CAMTA1: variants seen among roughly 807,000 people sequenced by gnomAD.
CAMTA1 encodes calmodulin binding transcription activator 1, also known as calmodulin-binding transcription activator 1.
A neutral mutation model predicts 170.9 loss-of-function variants in CAMTA1; 27 were observed. That is an observed-to-expected ratio of 0.16 (90% CI 0.12 to 0.22). The LOEUF is 0.22. CAMTA1 is among the 10% of genes least tolerant of loss of function. CAMTA1 has a pLI of 1.00. For missense variants in CAMTA1, 1,619 were observed against 2,217.2 expected (o/e 0.73, Z 5.42); for synonymous variants, 833 against 891.5 (o/e 0.93, Z 1.17).
chr1:7,643,069 C>G lies in CAMTA1; in HGVS notation c.664+2516C>G, dbSNP rs532976766. On this transcript the variant is annotated intron_variant, in intron 7 of 22. Coordinates refer to ENST00000303635, the MANE Select transcript of CAMTA1 (RefSeq NM_015215.4). ...AAATTAGGGTCCTAAGTACTCTTGC[C>G]TTGAAAGGGTGACCAGGGTCCAGGT... is the stretch of plus-strand genomic sequence containing the variant. 2.0e-5 allele frequency among the ~76,000 whole-genome samples: 3 copies of G among 152,074 alleles called. No individual in the cohort carries two copies. The East Asian group carries it at 5.8e-4, about 29-fold the overall frequency.
intron 5 of CAMTA1, among the ~76,000 whole-genome samples, chr1:7,295,560 C>T (rs1415207301): frequency 6.6e-6 from 1 of 152,164 alleles, no homozygotes; most frequent in African/African-American, 2.4e-5. Flanking sequence ...CAGTATATTC[C>T]AAATTACTTC....
intron 3 of CAMTA1, among the ~76,000 whole-genome samples, chr1:7,039,029 G>A (rs938103042): frequency 6.6e-6 from 1 of 152,236 alleles, no homozygotes; most frequent in Non-Finnish European, 1.5e-5. Flanking sequence ...GACAGAGCAA[G>A]ACTCTGTCTC....
At chr1:7,457,695 G>A (rs1012852050) in intron 5 of CAMTA1, among the ~76,000 whole-genome samples, 3 of 152,198 alleles carry the variant, frequency 2.0e-5, no homozygotes, top group African/African-American at 4.8e-5. Context: ...GGAGCCTCCA[G>A]CTTGAAGACC....
intron 1 of CAMTA1, among the ~76,000 whole-genome samples, chr1:6,816,085 C>T (rs1015934133): frequency 6.6e-6 from 1 of 152,114 alleles, no homozygotes; most frequent in Non-Finnish European, 1.5e-5. Flanking sequence ...TTGGTTTGGG[C>T]ATCAGAGTTT....
chr1:6,815,945 G>T (rs1645759992), intron 1 of CAMTA1, among the ~76,000 whole-genome samples: 1 of 152,166 alleles, frequency 6.6e-6, no homozygotes, highest in South Asian at 2.1e-4. Flanking sequence ...AACTGGGGAA[G>T]TCAGAGAGTT....
chr1:7,396,956 C>G (rs1187257538), intron 5 of CAMTA1, among the ~76,000 whole-genome samples: 1 of 152,130 alleles, frequency 6.6e-6, no homozygotes, highest in Non-Finnish European at 1.5e-5. Flanking sequence ...CTGCAGTTTT[C>G]TTTTCTGTGT....
chr1:7,157,009 C>T (rs943751851), intron 4 of CAMTA1, among the ~76,000 whole-genome samples: 4 of 152,010 alleles, frequency 2.6e-5, no homozygotes, highest in African/African-American at 4.8e-5. Flanking sequence ...AATTTTTATG[C>T]AGAAAAAAGT....
rs995227709 is a variant in CAMTA1, at chr1:7,585,347, C to T, written c.511-55053C>T. 4.6e-5 allele frequency among the ~76,000 whole-genome samples: 7 copies of T among 152,098 alleles called. No homozygotes were observed. Among genetic ancestry groups the T allele is most frequent in the Non-Finnish European group, 8.8e-5 (6 of 68,012 alleles). ...GGGGCACCTGGCAGAGCCCTGAGAG[C>T]GGTGGGATGGGCTGGGAGCAGATCT... On this transcript the variant is annotated intron_variant, in intron 6 of 22. Coordinates refer to ENST00000303635, the MANE Select transcript of CAMTA1 (RefSeq NM_015215.4). This position sits in a 1 kb window ranked among gnomAD's most constrained non-coding sequence, Gnocchi z 4.8.
At chr1:7,199,494 GC>G (rs1656236028) in intron 4 of CAMTA1, among the ~76,000 whole-genome samples, 1 of 152,164 alleles carries the variant, frequency 6.6e-6, no homozygotes, top group Non-Finnish European at 1.5e-5. Flanking sequence ...GAAGTCATCT[GC>G]CCCCATGTCC....
chr1:7,337,906 G>T (rs2083506666), intron 5 of CAMTA1, among the ~76,000 whole-genome samples: 1 of 151,976 alleles, frequency 6.6e-6, no homozygotes, highest in African/African-American at 2.4e-5. Flanking sequence ...CAACAAATTT[G>T]GGATTTGTCA....
chr1:7,492,850 A>G (rs1291343878), intron 6 of CAMTA1, among the ~76,000 whole-genome samples: 1 of 144,920 alleles, frequency 6.9e-6, no homozygotes, highest in African/African-American at 2.6e-5. Flanking sequence ...CACACGCACA[A>G]ACACAAACCT....
At position 7,681,953 on chromosome 1, in the gene CAMTA1, C is replaced by T. The variant is rs934395052; in HGVS notation, c.2914+4220C>T. Among the ~76,000 whole-genome samples, 2 of 152,170 alleles carry T rather than the reference C, an allele frequency of 1.3e-5. No homozygotes were observed. The highest frequency in any genetic ancestry group is 4.8e-5 in the African/African-American group (2 of 41,434). On this transcript the variant is annotated intron_variant, in intron 11 of 22. Coordinates refer to ENST00000303635, the MANE Select transcript of CAMTA1 (RefSeq NM_015215.4). This position sits in a 1 kb window ranked among gnomAD's most constrained non-coding sequence, Gnocchi z 4.6. ...TGTCTTACAGCATCTGATTCTCCCC[C>T]AAGGCCAAGTTGAGAAGATTTAGGG...
chr1:7,031,556 T>C (rs1269845219), intron 3 of CAMTA1, among the ~76,000 whole-genome samples: 1 of 152,196 alleles, frequency 6.6e-6, no homozygotes, highest in Non-Finnish European at 1.5e-5. Flanking sequence ...CTTTTTTTTC[T>C]TGAGACAGAC....
chr1:7,143,797 T>C (rs1009382584), intron 4 of CAMTA1, among the ~76,000 whole-genome samples: 5 of 152,264 alleles, frequency 3.3e-5, no homozygotes, highest in Non-Finnish European at 5.9e-5. Context: ...TGTCAACTTA[T>C]ACTAAGTGTA....
chr1:7,424,492 T>C (rs2149330804), intron 5 of CAMTA1, among the ~76,000 whole-genome samples: 1 of 152,076 alleles, frequency 6.6e-6, no homozygotes. Context: ...TTTGCCTGCC[T>C]GAGAGGGGAT....
chr1:7,705,545 C>G (rs900367516), intron 11 of CAMTA1, among the ~76,000 whole-genome samples: 5 of 150,426 alleles, frequency 3.3e-5, no homozygotes, highest in Non-Finnish European at 5.9e-5. Flanking sequence ...GGCGTCGGGG[C>G]GCGCGGGGGC....
intron 4 of CAMTA1, among the ~76,000 whole-genome samples, chr1:7,157,069 C>T (rs996395907): frequency 3.3e-5 from 5 of 152,092 alleles, no homozygotes; most frequent in Admixed American, 6.6e-5. Flanking sequence ...TTTGGCCGGG[C>T]GCGGTGACTC....
intron 3 of CAMTA1, among the ~76,000 whole-genome samples, chr1:6,879,067 T>C (rs1670728988): frequency 6.6e-6 from 1 of 152,230 alleles, no homozygotes; most frequent in Non-Finnish European, 1.5e-5. Flanking sequence ...TTACCATCCC[T>C]GCACTTCTTT....
chr1:7,350,714 A>G (rs2084601790), intron 5 of CAMTA1, among the ~76,000 whole-genome samples: 1 of 152,114 alleles, frequency 6.6e-6, no homozygotes, highest in South Asian at 2.1e-4. Context: ...AATAAAAGGA[A>G]GTCATATGGT....
Sources: allele counts gnomAD v4.1 joint callset (sites outside exome capture counted in the v4.1 genomes callset), GRCh38; gene constraint gnomAD v4.1.1; non-coding constraint Gnocchi (gnomAD v3.1); transcripts MANE v1.5; gene names NCBI Gene and HGNC (gene_info 2026-07-23, HGNC 2026-07-21).